LRRC7: variants seen among roughly 807,000 people sequenced by gnomAD.
LRRC7 encodes the protein leucine rich repeat containing 7.
In LRRC7, 23 loss-of-function variants were observed where a neutral mutation model predicts 175.7. That is an observed-to-expected ratio of 0.13 (90% CI 0.09 to 0.19). The LOEUF (loss-of-function observed/expected upper bound fraction) is 0.19, where lower values mean the gene tolerates loss of function less well. LRRC7 is among the 10% of genes least tolerant of loss of function. The pLI is 1.00. For missense variants in LRRC7, 1,354 were observed against 1,904.7 expected, an observed-to-expected ratio of 0.71 and a Z score of 5.38; for synonymous variants, 685 against 680.9, an observed-to-expected ratio of 1.01 and a Z score of -0.09.
intron 1 of LRRC7, among the ~76,000 whole-genome samples, chr1:69,582,382 A>C (rs578064331): frequency 2.0e-5 from 3 of 152,232 alleles, no homozygotes; most frequent in Non-Finnish European, 4.4e-5. Flanking sequence ...CTCTTTACCC[A>C]ATCTTCTCAC....
chr1:69,957,681 T>C (rs1650639976), intron 8 of LRRC7, among the ~76,000 whole-genome samples: 1 of 151,844 alleles, frequency 6.6e-6, no homozygotes, highest in African/African-American at 2.4e-5. Flanking sequence ...TTGCAGTACA[T>C]CTTTATGACC....
At chr1:69,976,768 A>G (rs1236272748) in intron 8 of LRRC7, among the ~76,000 whole-genome samples, 1 of 152,074 alleles carries the variant, frequency 6.6e-6, no homozygotes, top group Admixed American at 6.5e-5. Context: ...TCAGCCCTCA[A>G]GTATTAGTGT....
chr1:69,958,678 G>C (rs2101838530), intron 8 of LRRC7, among the ~76,000 whole-genome samples: 1 of 152,076 alleles, frequency 6.6e-6, no homozygotes, highest in South Asian at 2.1e-4. Context: ...AAATTTGGGA[G>C]AGCCAGAGGT....
chr1:69,788,798 C>A (rs1399855330), intron 3 of LRRC7, among the ~76,000 whole-genome samples: 1 of 152,078 alleles, frequency 6.6e-6, no homozygotes, highest in Non-Finnish European at 1.5e-5. Context: ...ATTTTCATTA[C>A]AACTGATATT....
intron 7 of LRRC7, among the ~76,000 whole-genome samples, chr1:69,871,235 T>G (rs1685500367): frequency 6.6e-6 from 1 of 152,082 alleles, no homozygotes; most frequent in African/African-American, 2.4e-5. Context: ...TGTAATACCT[T>G]AAGCTTTCAG....
At chr1:69,708,366 C>A (rs1664298401) in intron 2 of LRRC7, among the ~76,000 whole-genome samples, 1 of 151,558 alleles carries the variant, frequency 6.6e-6, no homozygotes. Context: ...TTACTGAAAC[C>A]CCCTCCTTCA....
rs1666268914 is a variant in LRRC7 at position 70,122,586 on chromosome 1, C to T, written c.*699C>T. 6.6e-6 allele frequency: 1 copy of T among 151,920 alleles called. No individual in the cohort carries two copies. Among genetic ancestry groups the T allele is most frequent in the African/African-American group, 2.4e-5 (1 of 41,376 alleles). The allele number at this position is 151,920 out of a possible 1,614,324, so 9.4% of individuals were successfully genotyped here. ...ATAAATTAGCCATTTATCTCTGGGA[C>T]CCAAATAAAAATAGGATGAACTAAT... On this transcript the variant is annotated 3_prime_UTR_variant, in exon 27 of 27. Transcript: ENST00000651989.
chr1:69,691,102 T>C (rs1186368622), intron 2 of LRRC7, among the ~76,000 whole-genome samples: 4 of 152,128 alleles, frequency 2.6e-5, no homozygotes, highest in Non-Finnish European at 5.9e-5. Context: ...GTCTGGGTGA[T>C]TCTGAGGTAA....
At chr1:69,814,171 T>C (rs1442395656) in intron 4 of LRRC7, among the ~76,000 whole-genome samples, 1 of 152,042 alleles carries the variant, frequency 6.6e-6, no homozygotes, top group Non-Finnish European at 1.5e-5. Context: ...GGTGGTTGCA[T>C]AATGGGTTAA....
At chr1:69,966,701 A>T (rs962098464) in intron 8 of LRRC7, among the ~76,000 whole-genome samples, 1 of 152,234 alleles carries the variant, frequency 6.6e-6, no homozygotes, top group African/African-American at 2.4e-5. Context: ...CCCCGAGCAC[A>T]TATACCCACC....
chr1:69,906,427 A>C (rs1646313993), intron 7 of LRRC7, among the ~76,000 whole-genome samples: 1 of 152,150 alleles, frequency 6.6e-6, no homozygotes, highest in Non-Finnish European at 1.5e-5. Context: ...ATCTTGAATT[A>C]ATTTTTGTAT....
At chr1:69,925,499 A>G (rs1034051650) in intron 7 of LRRC7, among the ~76,000 whole-genome samples, 6 of 152,016 alleles carry the variant, frequency 3.9e-5, no homozygotes, top group African/African-American at 1.4e-4. Context: ...GTCTATTCAG[A>G]GATTCAACTT....
intron 7 of LRRC7, among the ~76,000 whole-genome samples, chr1:69,905,194 G>C (rs7526897): frequency 6.6e-6 from 1 of 151,644 alleles, no homozygotes; most frequent in Admixed American, 6.6e-5. Context: ...ATATTCCTTT[G>C]GGTATATATC....
rs547891470 is a variant in LRRC7, at chr1:69,605,806, T to TTTTA, written c.2+37186_2+37189dup. Reference sequence around the variant, plus strand: ...TACACTCAAGTAAGAGGACATGAGTTTTTATTTATTTATTTATTTATTTAG... The same window carrying TTTTA: ...TACACTCAAGTAAGAGGACATGAGTTTTTATTTATTTATTTATTTATTTATTTAG... On this transcript the variant is annotated intron_variant, in intron 1 of 26. Transcript: ENST00000651989. Among the ~76,000 whole-genome samples, 94 of 152,076 alleles carry TTTTA rather than the reference T, an allele frequency of 6.2e-4. No individual in the cohort carries two copies. The South Asian group carries it at 0.015, about 24-fold the overall frequency.
intron 15 of LRRC7, among the ~76,000 whole-genome samples, chr1:70,019,277 T>A (rs1488371657): frequency 6.6e-6 from 1 of 152,068 alleles, no homozygotes; most frequent in Non-Finnish European, 1.5e-5. Flanking sequence ...AAGTCAACCA[T>A]AAATAGATAC....
chr1:69,678,468 T>G lies in LRRC7; in HGVS notation c.90T>G (p.Pro30=), dbSNP rs768607389. 2 of 1,600,780 alleles carry G rather than the reference T, an allele frequency of 1.2e-6. No homozygotes were observed. Among genetic ancestry groups the G allele is most frequent in the African/African-American group, 2.7e-5 (2 of 74,656 alleles). ...KEVRAALRKR[P]EEELQCLEMT... ...TTCGTGCAGCACTTCGGAAGAGGCCTGAAGAGGAGTGTAAGTATGTTTAAT... is the reference window on the plus strand; with the variant it reads ...TTCGTGCAGCACTTCGGAAGAGGCCGGAAGAGGAGTGTAAGTATGTTTAAT... Residue 30 remains proline, a synonymous_variant, in exon 2 of 27, where the codon CCT becomes CCG. Transcript: ENST00000651989.
At chr1:69,998,152 TG>T (rs1163723673) in intron 11 of LRRC7, among the ~76,000 whole-genome samples, 1 of 152,176 alleles carries the variant, frequency 6.6e-6, no homozygotes, top group Non-Finnish European at 1.5e-5. Flanking sequence ...TAAGTATAAT[TG>T]ACATACAAAA....
At chr1:70,028,734 A>G (rs750350197) in intron 18 of LRRC7, among the ~76,000 whole-genome samples, 3 of 152,160 alleles carry the variant, frequency 2.0e-5, no homozygotes, top group Non-Finnish European at 4.4e-5. Context: ...CTATTATGCA[A>G]ATCTCATAAA....
rs1666906756 is a variant in LRRC7, at chr1:70,137,165, T to A, written c.*15278T>A. Among the ~76,000 whole-genome samples, 1 of 152,230 alleles carries A rather than the reference T, an allele frequency of 6.6e-6. No homozygotes were observed. Among genetic ancestry groups the A allele is most frequent in the Admixed American group, 6.5e-5 (1 of 15,286 alleles). On this transcript the variant is annotated 3_prime_UTR_variant, in exon 27 of 27. Transcript: ENST00000651989. Reference sequence around the variant, plus strand: ...GACGTAAATAACTGCAGTATCATCCTGAATAAATCATATCACGGAGAGATA... The same window carrying A: ...GACGTAAATAACTGCAGTATCATCCAGAATAAATCATATCACGGAGAGATA...
Sources: allele counts gnomAD v4.1 joint callset (sites outside exome capture counted in the v4.1 genomes callset), GRCh38; gene constraint gnomAD v4.1.1; transcripts MANE v1.5; gene names NCBI Gene and HGNC (gene_info 2026-07-23, HGNC 2026-07-21).